The following SLC19A1 variants were observed in gnomAD, a reference collection of about 807,000 sequenced individuals.
The protein encoded by SLC19A1 is solute carrier family 19 member 1.
SLC19A1 carries 37 observed loss-of-function variants against 35.3 expected under a neutral mutation model. The observed-to-expected ratio is 1.05, with a 90% CI of 0.81 to 1.38. The LOEUF (loss-of-function observed/expected upper bound fraction) is 1.38. Among genes scored for constraint, SLC19A1 ranks in the 40% most tolerant of loss-of-function variants. The pLI, the probability that SLC19A1 is intolerant of heterozygous loss-of-function variation, is 0.00. For synonymous variants in SLC19A1, 460 were observed against 398.5 expected, an observed-to-expected ratio of 1.15 and a Z score of -1.84; for missense variants, 831 against 826.9, an observed-to-expected ratio of 1.00 and a Z score of -0.06.
At chr21:45,516,201 C>T (rs919340038) in intron 5 of SLC19A1, 61 bp from the exon 6 acceptor site, 10 of 1,339,352 alleles carry the variant, frequency 7.5e-6, no homozygotes, top group Non-Finnish European at 7.3e-6. Context: ...TGGCACCCTA[C>T]ACCCCGACGC....
rs1457256370 is a variant in SLC19A1, at chr21:45,531,627, C to T, written c.711G>A (p.Lys237=). Residue 237 remains lysine, a synonymous_variant, in exon 3 of 6, where the codon AAG becomes AAA. Transcript: ENST00000311124. The part of the protein sequence containing the change: ...LERMNPGPGG[K]LGHALRVACG... ...AGGCCACCCGCAGGGCGTGTCCCAG[C>T]TTCCCGCCTGGGCCAGGATTCATGC... 1 of 1,612,280 alleles carries T rather than the reference C, an allele frequency of 6.2e-7. No individual in the cohort carries two copies. The highest frequency in any genetic ancestry group is 1.7e-5 in the Admixed American group (1 of 59,988).
In SLC19A1 at chr21:45,515,640, C is replaced by G. The variant is rs1430066348; in HGVS notation, c.*18G>C. On this transcript the variant is annotated 3_prime_UTR_variant, in exon 6 of 6. Transcript: ENST00000311124. ...CACTGAGGGCCGCCTGCAAAGTTAC[C>G]ACAGGGGCGCCCGAGAGTCACTGGT... 1.2e-6 allele frequency: 2 copies of G among 1,612,862 alleles called. No homozygotes were observed. Among genetic ancestry groups the G allele is most frequent in the Non-Finnish European group, 1.7e-6 (2 of 1,179,978 alleles).
chr21:45,542,350 C>A lies in SLC19A1; in HGVS notation c.-50+18G>T, dbSNP rs1449803932. On this transcript the variant is annotated intron_variant, in intron 1 of 5. Transcript: ENST00000311124. ...AGCCCCCGACACGCGGCCCCGTGGCCCCGTTCCCCACCGGTACCTGCGACT... is the reference window on the plus strand; with the variant it reads ...AGCCCCCGACACGCGGCCCCGTGGCACCGTTCCCCACCGGTACCTGCGACT... 1.3e-5 allele frequency: 2 copies of A among 151,788 alleles called. No individual in the cohort carries two copies. Among genetic ancestry groups the A allele is most frequent in the Non-Finnish European group, 2.9e-5 (2 of 67,946 alleles). 9.4% of individuals were successfully genotyped at this position (151,788 alleles called of 1,614,324 possible). A position where few individuals can be genotyped will look rare whatever the true frequency, so the allele number is the denominator to read the frequency against.
rs141599346 is a variant in SLC19A1 at position 45,515,018 on chromosome 21, G to A, written c.*640C>T. On this transcript the variant is annotated 3_prime_UTR_variant, in exon 6 of 6. Coordinates refer to ENST00000311124, the MANE Select transcript of SLC19A1 (RefSeq NM_194255.4). Reference sequence around the variant, plus strand: ...CAGAAGGACAGACAGGACCATGGAGGGCTGCCCTTAGGGTGGGAGAGAGGA... The same window carrying A: ...CAGAAGGACAGACAGGACCATGGAGAGCTGCCCTTAGGGTGGGAGAGAGGA... 17,653 of 1,535,268 alleles carry A rather than the reference G, an allele frequency of 0.011. 125 individuals carry two copies. The highest frequency in any genetic ancestry group is 0.013 in the Non-Finnish European group (14,689 of 1,142,646).
At chr21:45,520,976 C>A (rs1009747004) in intron 5 of SLC19A1, among the ~76,000 whole-genome samples, 3 of 150,644 alleles carry the variant, frequency 2.0e-5, no homozygotes, top group African/African-American at 7.3e-5. Flanking sequence ...GCTGAGATTG[C>A]GCCATTGCAC....
chr21:45,528,609 A>G (rs2838957), intron 4 of SLC19A1, among the ~76,000 whole-genome samples: 82,235 of 152,042 alleles, frequency 0.54, 23,073 homozygotes, highest in South Asian at 0.63. Context: ...TCAAAAGCAC[A>G]TACTCTCCAA....
downstream of SLC19A1, chr21:45,509,500 C>CAGCCCT (rs1459525998): frequency 6.5e-7 from 1 of 1,531,600 alleles, no homozygotes; most frequent in Non-Finnish European, 8.8e-7. Flanking sequence ...GCCCGAGCCC[C>CAGCCCT]AGCCCTACCC....
intron 2 of SLC19A1, among the ~76,000 whole-genome samples, chr21:45,536,771 CGGG>C (rs2078126452): frequency 6.6e-6 from 1 of 152,140 alleles, no homozygotes; most frequent in Non-Finnish European, 1.5e-5. Context: ...GAGCAGAGGA[CGGG>C]GTCAGCGGCT....
At chr21:45,542,642 C>A (rs1198650726), upstream of SLC19A1, among the ~76,000 whole-genome samples, 13 of 151,160 alleles carry the variant, frequency 8.6e-5, no homozygotes, top group African/African-American at 2.7e-4. Flanking sequence ...CGCGGCCCCT[C>A]GTGCTGCGGC....
chr21:45,541,560 C>A (rs959547266), intron 1 of SLC19A1, among the ~76,000 whole-genome samples: 1 of 152,216 alleles, frequency 6.6e-6, no homozygotes, highest in African/African-American at 2.4e-5. Flanking sequence ...TGGACAGGAC[C>A]CTAGGGGGAT....
chr21:45,558,975 A>AT, intron 1 of SLC19A1, among the ~76,000 whole-genome samples: 1 of 151,640 alleles, frequency 6.6e-6, no homozygotes, highest in Admixed American at 6.6e-5. Context: ...CGCCCAGCTA[A>AT]TTTTTGTATT....
intron 1 of SLC19A1, among the ~76,000 whole-genome samples, chr21:45,553,325 C>T (rs1003326631): frequency 6.6e-6 from 1 of 151,990 alleles, no homozygotes; most frequent in African/African-American, 2.4e-5. Flanking sequence ...CTCCAGGCCA[C>T]ATCCTCCCTC....
In SLC19A1 at chr21:45,560,193, G is replaced by A. The variant is rs548137691; in HGVS notation, c.-50+2549C>T. Among the ~76,000 whole-genome samples, 24 of 152,244 alleles carry A rather than the reference G, an allele frequency of 1.6e-4. No homozygotes were observed. The South Asian group carries it at 2.1e-3, about 13-fold the overall frequency. ...CTGAGAGGTGGGGACGCCAGGGCCCGGCAAAGTCCTCTCCAGGATCCACCC... is the reference window on the plus strand; with the variant it reads ...CTGAGAGGTGGGGACGCCAGGGCCCAGCAAAGTCCTCTCCAGGATCCACCC... On this transcript the variant is annotated intron_variant, in intron 1 of 5. Transcript: ENST00000650808.
chr21:45,554,587 C>G, intron 1 of SLC19A1, among the ~76,000 whole-genome samples: 1 of 138,452 alleles, frequency 7.2e-6, no homozygotes, highest in Non-Finnish European at 1.5e-5. Context: ...TTGTGCCTGG[C>G]CAGGGGCACT....
rs560508211 is a variant in SLC19A1 at position 45,558,772 on chromosome 21, G to A, written c.-50+3970C>T. 5.3e-5 allele frequency among the ~76,000 whole-genome samples: 8 copies of A among 152,016 alleles called. 1 individual carries two copies. Among genetic ancestry groups the A allele is most frequent in the African/African-American group, 1.9e-4 (8 of 41,460 alleles). On this transcript the variant is annotated intron_variant, in intron 1 of 5. Transcript: ENST00000650808. ...GTGTTCCAATTTCTCAGCACACAGG[G>A]AAACACATTTCAGTTAAATTGAATT...
chr21:45,504,402 G>A lies in SLC19A1; in HGVS notation c.498-5790C>T, dbSNP rs1267127153. 10 of 1,610,222 alleles carry A rather than the reference G, an allele frequency of 6.2e-6. No individual in the cohort carries two copies. Among genetic ancestry groups the A allele is most frequent in the Non-Finnish European group, 8.5e-6 (10 of 1,178,598 alleles). On this transcript the variant is annotated intron_variant, in intron 3 of 4. Transcript: ENST00000417954. The stretch of plus-strand genomic sequence containing the variant: ...GGTTCAGGGCTCCCGTGTAACAAGT[G>A]TTTCCGTCCACAGGGGGAGAAGGGA...
rs1435735290 is a variant in SLC19A1, at chr21:45,531,724, C to T, written c.614G>A (p.Arg205His). 1 of 1,612,562 alleles carries T rather than the reference C, an allele frequency of 6.2e-7. No homozygotes were observed. The highest frequency in any genetic ancestry group is 2.2e-5 in the East Asian group (1 of 44,866). The change falls in exon 3 of 6, where the codon CGC becomes CAC. Residue 205 changes from arginine to histidine, a missense_variant. Transcript: ENST00000311124. ...FSVVLALFLK[R>H]PKRSLFFNRD... ...GTTGAAGAAGAGGCTGCGCTTGGGG[C>T]GCTTCAGGAAGAGGGCGAGGACCAC...
chr21:45,561,878 A>G (rs953904276), intron 1 of SLC19A1, among the ~76,000 whole-genome samples: 6 of 152,094 alleles, frequency 3.9e-5, no homozygotes, highest in African/African-American at 1.4e-4. Flanking sequence ...CACGCCTGTA[A>G]TCCCAACACT....
chr21:45,525,506 G>A (rs942529132), intron 5 of SLC19A1, among the ~76,000 whole-genome samples: 3 of 152,270 alleles, frequency 2.0e-5, no homozygotes, highest in African/African-American at 4.8e-5. Flanking sequence ...AGGGCTCAAG[G>A]ACACCAAGTT....
Sources: allele counts gnomAD v4.1 joint callset (sites outside exome capture counted in the v4.1 genomes callset), GRCh38; gene constraint gnomAD v4.1.1; transcripts MANE v1.5; gene names NCBI Gene and HGNC (gene_info 2026-07-23, HGNC 2026-07-21).